The following SLC25A13 variants were observed in gnomAD, a reference collection of about 807,000 sequenced individuals.
SLC25A13 encodes the protein electrogenic aspartate/glutamate antiporter SLC25A13, mitochondrial.
Under a neutral mutation model 85.5 loss-of-function variants are expected in SLC25A13, and 70 were observed. The ratio of observed to expected loss-of-function variants is 0.82; its 90% confidence interval spans 0.68 to 1.00. The LOEUF is 1.00. Among genes scored for constraint, SLC25A13 ranks in the 50% least tolerant of loss-of-function variants. The pLI, the probability that SLC25A13 is intolerant of heterozygous loss-of-function variation, is 0.00. For synonymous variants in SLC25A13, 259 were observed against 288.7 expected (o/e 0.90, Z 1.04); for missense variants, 765 against 819.8 (o/e 0.93, Z 0.82).
chr7:96,271,453 C>G (rs777381111), intron 3 of SLC25A13, among the ~76,000 whole-genome samples: 4 of 152,106 alleles, frequency 2.6e-5, no homozygotes, highest in Admixed American at 6.6e-5. Context: ...TTCTGTGTCA[C>G]AGTAAAACAC....
intron 3 of SLC25A13, among the ~76,000 whole-genome samples, chr7:96,237,036 C>T (rs1287655756): frequency 7.2e-5 from 11 of 152,308 alleles, no homozygotes; most frequent in Admixed American, 3.3e-4. Flanking sequence ...CATGGAAGGG[C>T]AACAGCATGC....
At chr7:96,130,682 A>T (rs2116420485) in intron 15 of SLC25A13, among the ~76,000 whole-genome samples, 1 of 152,328 alleles carries the variant, frequency 6.6e-6, no homozygotes, top group Non-Finnish European at 1.5e-5. Flanking sequence ...CTGGAATTAA[A>T]ATTGGGAATT....
intron 3 of SLC25A13, among the ~76,000 whole-genome samples, chr7:96,246,345 A>T (rs1307879687): frequency 6.6e-6 from 1 of 152,218 alleles, no homozygotes; most frequent in African/African-American, 2.4e-5. Context: ...CCAAAAATTG[A>T]TTGAGCTAAA....
At chr7:96,239,065 A>ATG (rs1554362998) in intron 3 of SLC25A13, among the ~76,000 whole-genome samples, 14 of 132,060 alleles carry the variant, frequency 1.1e-4, no homozygotes, top group African/African-American at 2.3e-4. Flanking sequence ...ATATATATAT[A>ATG]TATGTATGTA....
chr7:96,191,675 T>A (rs936875784), intron 6 of SLC25A13, among the ~76,000 whole-genome samples: 8 of 152,194 alleles, frequency 5.3e-5, no homozygotes, highest in Non-Finnish European at 8.8e-5. Flanking sequence ...AATGCAAACA[T>A]ACTATGAAAA....
intron 4 of SLC25A13, among the ~76,000 whole-genome samples, chr7:96,220,213 A>G (rs76044353): frequency 0.025 from 3,852 of 152,278 alleles, 177 homozygotes; most frequent in African/African-American, 0.088. Flanking sequence ...TATAATATCT[A>G]TATTGTTTTC....
chr7:96,310,808 G>A (rs1472024348), intron 1 of SLC25A13, among the ~76,000 whole-genome samples: 1 of 152,084 alleles, frequency 6.6e-6, no homozygotes, highest in African/African-American at 2.4e-5. Flanking sequence ...CACTCATTAT[G>A]TTGTGTTGGA....
chr7:96,207,570 T>C (rs1197834909), intron 5 of SLC25A13, among the ~76,000 whole-genome samples: 1 of 152,200 alleles, frequency 6.6e-6, no homozygotes, highest in Admixed American at 6.5e-5. Flanking sequence ...TGAGTCTTTT[T>C]AAACATATTT....
At chr7:96,169,270 G>C (rs1225982032) in intron 13 of SLC25A13, among the ~76,000 whole-genome samples, 1 of 152,114 alleles carries the variant, frequency 6.6e-6, no homozygotes, top group African/African-American at 2.4e-5. Flanking sequence ...CCCAGAGTAA[G>C]CCAATTTAAA....
chr7:96,224,853 G>C (rs185679077), intron 4 of SLC25A13, among the ~76,000 whole-genome samples: 1 of 152,264 alleles, frequency 6.6e-6, no homozygotes, highest in East Asian at 1.9e-4. Flanking sequence ...CCAAAAGCAT[G>C]AGTATCAACA....
At chr7:96,242,519 G>C (rs1797034046) in intron 3 of SLC25A13, among the ~76,000 whole-genome samples, 1 of 152,144 alleles carries the variant, frequency 6.6e-6, no homozygotes, top group South Asian at 2.1e-4. Context: ...GCCATGACGG[G>C]AAGTGGGGGT....
intron 3 of SLC25A13, among the ~76,000 whole-genome samples, chr7:96,275,254 T>C (rs1481841529): frequency 3.9e-5 from 6 of 152,282 alleles, no homozygotes; most frequent in Admixed American, 2.0e-4. Flanking sequence ...GGAGAGGATG[T>C]GGAGAAATAG....
intron 13 of SLC25A13, 64 bp from the exon 14 acceptor site, chr7:96,146,760 T>G (rs1792817732): frequency 6.5e-7 from 1 of 1,533,614 alleles, no homozygotes; most frequent in Non-Finnish European, 9.0e-7. Context: ...CAGGAAGAGA[T>G]GAATGATTAT....
intron 2 of SLC25A13, among the ~76,000 whole-genome samples, chr7:96,291,309 T>C (rs1799109948): frequency 6.6e-6 from 1 of 152,136 alleles, no homozygotes; most frequent in Admixed American, 6.5e-5. Flanking sequence ...TAGCACTAAA[T>C]GCCCACAAGA....
At chr7:96,196,807 G>A (rs1445488007) in intron 5 of SLC25A13, among the ~76,000 whole-genome samples, 1 of 152,132 alleles carries the variant, frequency 6.6e-6, no homozygotes, top group Non-Finnish European at 1.5e-5. Context: ...CTGAAGACGT[G>A]GGTTGCCTTC....
At chr7:96,195,612 G>A (rs779839061) in intron 5 of SLC25A13, among the ~76,000 whole-genome samples, 17 of 152,020 alleles carry the variant, frequency 1.1e-4, no homozygotes, top group Admixed American at 2.0e-4. Context: ...ATACAGACCC[G>A]TCTCTGAAGC....
At position 96,208,717 on chromosome 7, in the gene SLC25A13, G is replaced by C. The variant is rs1364301346; in HGVS notation, c.468+121C>G. The C allele has an allele frequency of 3.6e-6, 4 of 1,122,760 alleles. No homozygotes were observed. The African/African-American group carries it at 4.6e-5, about 13-fold the overall frequency. 69.5% of individuals were successfully genotyped at this position (1,122,760 alleles called of 1,614,324 possible). The stretch of plus-strand genomic sequence containing the variant: ...AGACGGGGTTTCACCATGTTGGCCA[G>C]GATGGTCTCGATCTCCTGACCTCGT... On this transcript the variant is annotated intron_variant, in intron 5 of 17. Transcript: ENST00000265631.
In SLC25A13 at chr7:96,196,463, A is replaced by G. The variant is rs1249365210; in HGVS notation, c.469-3280T>C. 2.6e-5 allele frequency among the ~76,000 whole-genome samples: 4 copies of G among 152,238 alleles called. 1 individual carries two copies. The highest frequency in any genetic ancestry group is 7.2e-5 in the African/African-American group (3 of 41,468). ...CCACAATGCTAAGACCAGCCTGTCC[A>G]GAATTCCAGATTGGGAATGGATGCC... On this transcript the variant is annotated intron_variant, in intron 5 of 17. Coordinates refer to ENST00000265631, the MANE Select transcript of SLC25A13 (RefSeq NM_014251.3).
intron 2 of SLC25A13, among the ~76,000 whole-genome samples, chr7:96,296,235 T>G (rs1398236238): frequency 6.6e-6 from 1 of 151,978 alleles, no homozygotes; most frequent in African/African-American, 2.4e-5. Flanking sequence ...CATGGATGAG[T>G]GAAGGATTAC....
Sources: allele counts gnomAD v4.1 joint callset (sites outside exome capture counted in the v4.1 genomes callset), GRCh38; gene constraint gnomAD v4.1.1; transcripts MANE v1.5; gene names NCBI Gene and HGNC (gene_info 2026-07-23, HGNC 2026-07-21).